Variants in TG observed in about 807,000 individuals in gnomAD.
The protein encoded by TG is thyroglobulin, also known as thyroid hormones.
Under a neutral mutation model 324.7 loss-of-function variants are expected in TG, and 270 were observed. The observed-to-expected ratio is 0.83, with a 90% confidence interval of 0.75 to 0.92. TG has a LOEUF of 0.92. TG is among the 40% of genes least tolerant of loss of function. The pLI is 0.00. For synonymous variants in TG, 1,401 were observed against 1,327.0 expected, an observed-to-expected ratio of 1.06 and a Z score of -1.21; for missense variants, 3,591 against 3,456.4, an observed-to-expected ratio of 1.04 and a Z score of -0.98.
At chr8:133,019,031 C>T (rs776039860) in intron 38 of TG, among the ~76,000 whole-genome samples, 15 of 152,222 alleles carry the variant, frequency 9.9e-5, no homozygotes, top group African/African-American at 2.7e-4. Flanking sequence ...GATGAAATGA[C>T]GGAGTCACAT....
At chr8:133,002,382 T>C (rs1833603961) in intron 35 of TG, 1 of 985,472 alleles carries the variant, frequency 1.0e-6, no homozygotes, top group Non-Finnish European at 1.2e-6. Flanking sequence ...TCATAAATAA[T>C]ATCTGGCCAC....
intron 11 of TG, 21 bp downstream of exon 11, chr8:132,893,950 C>A: frequency 6.2e-7 from 1 of 1,614,004 alleles, no homozygotes; most frequent in Non-Finnish European, 8.5e-7. Flanking sequence ...TGCCCTTCAG[C>A]TTTCTTACTG....
intron 8 of TG, among the ~76,000 whole-genome samples, chr8:132,886,076 T>C (rs1468886217): frequency 1.3e-5 from 2 of 152,184 alleles, no homozygotes; most frequent in Non-Finnish European, 2.9e-5. Context: ...CATTCTGAGG[T>C]TCCCTGTAGA....
chr8:133,075,092 T>C, intron 41 of TG: 1 of 985,404 alleles, frequency 1.0e-6, no homozygotes, highest in Non-Finnish European at 1.2e-6. Context: ...AGGTTCCTGT[T>C]TTCAGTAACC....
At chr8:133,093,147 T>TC (rs1564180977) in intron 41 of TG, among the ~76,000 whole-genome samples, 40 of 149,792 alleles carry the variant, frequency 2.7e-4, no homozygotes, top group South Asian at 6.2e-4. Context: ...TTCTTTTTTT[T>TC]TTTTAATTTA....
chr8:132,969,840 G>T (rs977616717), intron 32 of TG, among the ~76,000 whole-genome samples: 1 of 148,282 alleles, frequency 6.7e-6, no homozygotes, highest in Non-Finnish European at 1.5e-5. Context: ...CTTGAACTCA[G>T]GAGGTGGAGG....
Position 133,131,840 on chromosome 8 carries a change from G to T in TG, c.7891G>T (p.Ala2631Ser). 6.2e-7 allele frequency: 1 copy of T among 1,614,146 alleles called. No homozygotes were observed. Among genetic ancestry groups the T allele is most frequent in the Non-Finnish European group, 8.5e-7 (1 of 1,180,014 alleles). ...GGAGCTGCTGGCGGATGTTCAGTTTGCCTTGGGGCTTCCCTTCTACCCAGC... is the reference window on the plus strand; with the variant it reads ...GGAGCTGCTGGCGGATGTTCAGTTTTCCTTGGGGCTTCCCTTCTACCCAGC... ...SLELLADVQF[A>S]LGLPFYPAYE... Residue 2631 changes from alanine to serine, a missense_variant, in exon 46 of 48, where the codon GCC becomes TCC. Ala to Ser is a moderately conservative substitution (Grantham distance 99, BLOSUM62 1). Coordinates refer to ENST00000220616, the MANE Select transcript of TG (RefSeq NM_003235.5).
Position 132,883,007 on chromosome 8 carries a change from T to C in TG, c.1075+8T>C, listed in dbSNP as rs184523779. The C allele has an allele frequency of 6.2e-7, 1 of 1,613,358 alleles. No individual in the cohort carries two copies. Among genetic ancestry groups the C allele is most frequent in the South Asian group, 1.1e-5 (1 of 90,978 alleles). On this transcript the variant is annotated splice_region_variant and intron_variant, in intron 8 of 47. Transcript: ENST00000220616. ...GGGAGCCGCCATCTTGTGGTGGGTT[T>C]CCTCTGGGGGCTTCCTCTTTCGGCC... is the stretch of plus-strand genomic sequence containing the variant.
At position 132,875,260 on chromosome 8, in the gene TG, A is replaced by G. The variant is rs116958133; in HGVS notation, c.638+2039A>G. 9.0e-3 allele frequency among the ~76,000 whole-genome samples: 1,367 copies of G among 152,342 alleles called. 34 individuals carry two copies. The highest frequency in any genetic ancestry group is 0.087 in the East Asian group (450 of 5,190). ...AGGCCTGGCCTGCCTGAGAGCAAGT[A>G]TAAATCTCAAACAGCCAGTTTTATT... On this transcript the variant is annotated intron_variant, in intron 5 of 47. Coordinates refer to ENST00000220616, the MANE Select transcript of TG (RefSeq NM_003235.5).
chr8:133,061,744 C>G (rs1377656942), intron 41 of TG, among the ~76,000 whole-genome samples: 1 of 152,174 alleles, frequency 6.6e-6, no homozygotes, highest in South Asian at 2.1e-4. Context: ...CAAAAGTCAG[C>G]CCATCCAACT....
At chr8:132,985,882 C>T (rs2130716462) in intron 35 of TG, among the ~76,000 whole-genome samples, 1 of 152,126 alleles carries the variant, frequency 6.6e-6, no homozygotes, top group East Asian at 1.9e-4. Flanking sequence ...TTCCTTTTTT[C>T]CTTGTTCTTT....
intron 41 of TG, among the ~76,000 whole-genome samples, chr8:133,078,125 G>T (rs11996654): frequency 6.6e-6 from 1 of 152,244 alleles, no homozygotes; most frequent in South Asian, 2.1e-4. Context: ...GTGTAGCAAG[G>T]CTCCTTTGGG....
chr8:133,111,532 G>A lies in TG; in HGVS notation c.7573-1890G>A, dbSNP rs144187145. On this transcript the variant is annotated intron_variant, in intron 43 of 47. Coordinates refer to ENST00000220616, the MANE Select transcript of TG (RefSeq NM_003235.5). ...AGTTTTTTCCCTAAACTATTAGCAG[G>A]TTGTAGAGTCCACAAAATAGATTGT... is the stretch of plus-strand genomic sequence containing the variant. 1.2e-4 allele frequency among the ~76,000 whole-genome samples: 18 copies of A among 152,308 alleles called. No homozygotes were observed. In the East Asian group the frequency reaches 2.9e-3, roughly 24 times the overall value.
chr8:133,038,443 G>A, intron 41 of TG: 1 of 1,128,518 alleles, frequency 8.9e-7, no homozygotes, highest in Admixed American at 1.7e-5. Context: ...AGGGATCAGG[G>A]AACCTCGCTT....
intron 27 of TG, among the ~76,000 whole-genome samples, chr8:132,952,557 A>G (rs145251254): frequency 1.3e-4 from 20 of 152,300 alleles, no homozygotes; most frequent in Admixed American, 7.8e-4. Context: ...TCGTTGATCA[A>G]TTCACGGGTA....
At chr8:132,909,462 T>A (rs932936532) in intron 18 of TG, among the ~76,000 whole-genome samples, 2 of 152,174 alleles carry the variant, frequency 1.3e-5, no homozygotes, top group African/African-American at 4.8e-5. Context: ...CTGAGGACCA[T>A]GCTGAAGACA....
chr8:133,036,253 A>G (rs1277358741), intron 41 of TG, among the ~76,000 whole-genome samples: 1 of 152,160 alleles, frequency 6.6e-6, no homozygotes, highest in Non-Finnish European at 1.5e-5. Flanking sequence ...GCCTGCCCTC[A>G]TCCTCATCAC....
chr8:133,094,945 A>T (rs1848178377), intron 41 of TG, 99 bp from the exon 42 acceptor site: 5 of 1,554,328 alleles, frequency 3.2e-6, no homozygotes, highest in Non-Finnish European at 4.4e-6. Context: ...CCAAGCTTGG[A>T]GGAAGGATGC....
chr8:132,996,830 G>GTT (rs1447211479), intron 35 of TG, among the ~76,000 whole-genome samples: 30 of 152,246 alleles, frequency 2.0e-4, no homozygotes, highest in Admixed American at 7.2e-4. Context: ...ACTTAACTTT[G>GTT]TAAGTCAATA....
Sources: gnomAD v4.1 joint callset for allele counts (sites outside exome capture counted in the v4.1 genomes callset) on GRCh38, gnomAD v4.1.1 for gene constraint, MANE v1.5 for transcripts, NCBI Gene and HGNC (gene_info 2026-07-23, HGNC 2026-07-21) for gene names.